SLAMF1: variants seen among roughly 807,000 people sequenced by gnomAD.
The protein encoded by SLAMF1 is signaling lymphocytic activation molecule.
SLAMF1 carries 18 observed loss-of-function variants against 35.1 expected under a neutral mutation model. That is an observed-to-expected ratio of 0.51 (90% confidence interval 0.35 to 0.76). SLAMF1 has a LOEUF of 0.76. SLAMF1 is among the 30% of genes least tolerant of loss of function. The probability of loss-of-function intolerance (pLI) is 0.01; values close to 1 mark genes in which losing one functional copy is unlikely to be tolerated. For missense variants in SLAMF1, 392 were observed against 413.0 expected (o/e 0.95, Z 0.44); for synonymous variants, 168 against 157.2 (o/e 1.07, Z -0.51).
At chr1:160,644,615 G>A (rs1321383264) in intron 1 of SLAMF1, among the ~76,000 whole-genome samples, 1 of 152,166 alleles carries the variant, frequency 6.6e-6, no homozygotes, top group Non-Finnish European at 1.5e-5. Flanking sequence ...CACAGTGGCT[G>A]CCACATCATG....
intron 3 of SLAMF1, among the ~76,000 whole-genome samples, chr1:160,631,968 A>G (rs1443885927): frequency 6.6e-6 from 1 of 152,050 alleles, no homozygotes; most frequent in Non-Finnish European, 1.5e-5. Context: ...AAATACACAT[A>G]GAGAGAAGAT....
chr1:160,619,716 C>T (rs1659502888), intron 5 of SLAMF1, 60 bp downstream of exon 5: 1 of 1,089,200 alleles, frequency 9.2e-7, no homozygotes, highest in East Asian at 2.4e-5. Context: ...GCAAGGTAGA[C>T]TGGCCAGGAA....
intron 3 of SLAMF1, among the ~76,000 whole-genome samples, chr1:160,627,726 T>C (rs138588494): frequency 1.9e-4 from 29 of 152,330 alleles, no homozygotes; most frequent in African/African-American, 6.7e-4. Context: ...TGGGAGTAAT[T>C]TCCTCATGGT....
intron 3 of SLAMF1, among the ~76,000 whole-genome samples, chr1:160,626,982 A>C (rs1659916382): frequency 6.6e-6 from 1 of 151,090 alleles, no homozygotes; most frequent in Non-Finnish European, 1.5e-5. Flanking sequence ...TGTCCCTTGG[A>C]CTCCTGCAGC....
At chr1:160,643,736 G>T (rs1188557487) in intron 1 of SLAMF1, among the ~76,000 whole-genome samples, 1 of 152,204 alleles carries the variant, frequency 6.6e-6, no homozygotes, top group Non-Finnish European at 1.5e-5. Context: ...GTATCACCTT[G>T]AGTATTTCTC....
chr1:160,627,213 T>C (rs1659928693), intron 3 of SLAMF1, among the ~76,000 whole-genome samples: 1 of 152,216 alleles, frequency 6.6e-6, no homozygotes, highest in Non-Finnish European at 1.5e-5. Flanking sequence ...ACAGTGTTGT[T>C]CTGAGAAACC....
intron 4 of SLAMF1, chr1:160,623,496 T>G (rs1659724467): frequency 2.5e-6 from 1 of 398,664 alleles, no homozygotes; most frequent in African/African-American, 2.1e-5. Context: ...TCAAGTTCTA[T>G]CCTTACCATG....
rs1658902168 is a variant in SLAMF1, at chr1:160,610,136, T to G, written c.*612A>C. 2.9e-6 allele frequency: 1 copy of G among 343,266 alleles called. No homozygotes were observed. The highest frequency in any genetic ancestry group is 5.7e-6 in the Non-Finnish European group (1 of 174,594). 21.3% of individuals were successfully genotyped at this position (343,266 alleles called of 1,614,324 possible). A position where few individuals can be genotyped will look rare whatever the true frequency, so the allele number is the denominator to read the frequency against. Reference sequence around the variant, plus strand: ...TCTTTCTGTTTATTGACTTTTTAGCTTCTGGGTTTTGCAAATAAAATAATA... The same window carrying G: ...TCTTTCTGTTTATTGACTTTTTAGCGTCTGGGTTTTGCAAATAAAATAATA... On this transcript the variant is annotated 3_prime_UTR_variant, in exon 7 of 7. Coordinates refer to ENST00000302035, the MANE Select transcript of SLAMF1 (RefSeq NM_003037.5).
In SLAMF1 at chr1:160,621,775, G is replaced by A. The variant is rs183692434; in HGVS notation, c.791-1926C>T. On this transcript the variant is annotated intron_variant, in intron 4 of 6. Transcript: ENST00000302035. ...TCAACATGGGATTTTTTGTGTGTGG[G>A]TATGAGCACGGTGTGCCTAGTGGTT... Among the ~76,000 whole-genome samples, 5 of 152,002 alleles carry A rather than the reference G, an allele frequency of 3.3e-5. 1 individual carries two copies. The East Asian group carries it at 9.7e-4, about 29-fold the overall frequency.
intron 1 of SLAMF1, among the ~76,000 whole-genome samples, chr1:160,639,212 G>A (rs147640955): frequency 6.6e-5 from 10 of 151,946 alleles, no homozygotes; most frequent in Non-Finnish European, 1.3e-4. Flanking sequence ...TTTCTTTCTC[G>A]CATACTCCAA....
At chr1:160,621,153 G>A (rs1659590022) in intron 4 of SLAMF1, among the ~76,000 whole-genome samples, 2 of 152,210 alleles carry the variant, frequency 1.3e-5, no homozygotes, top group African/African-American at 4.8e-5. Flanking sequence ...GCAGACTGAA[G>A]GATGGAGGTT....
In SLAMF1 at chr1:160,637,198, C is replaced by T; in HGVS notation, c.408G>A (p.Arg136=). Residue 136 remains arginine (R), a synonymous_variant, in exon 2 of 7, where the codon AGG becomes AGA. Coordinates refer to ENST00000302035, the MANE Select transcript of SLAMF1 (RefSeq NM_003037.5). ...VSVQRFCLQL[R]LYEQVSTPEI... ...GGAAGCCGCCATTATTACCATAAAG[C>T]CTCAACTGCAGGCAAAAGCGCTGAA... is the stretch of plus-strand genomic sequence containing the variant. The T allele has an allele frequency of 1.2e-6, 2 of 1,613,292 alleles. No individual in the cohort carries two copies. Among genetic ancestry groups the T allele is most frequent in the Non-Finnish European group, 1.7e-6 (2 of 1,179,280 alleles).
chr1:160,631,728 G>A (rs1660176292), intron 3 of SLAMF1, among the ~76,000 whole-genome samples: 1 of 152,160 alleles, frequency 6.6e-6, no homozygotes, highest in Non-Finnish European at 1.5e-5. Flanking sequence ...TGAGAACACA[G>A]TGAGAAGGTA....
At position 160,637,541 on chromosome 1, in the gene SLAMF1, AG is replaced by A; in HGVS notation, c.77-13del. 6.3e-7 allele frequency: 1 copy of A among 1,589,412 alleles called. No individual in the cohort carries two copies. Among genetic ancestry groups the A allele is most frequent in the Non-Finnish European group, 8.6e-7 (1 of 1,166,894 alleles). On this transcript the variant is annotated splice_polypyrimidine_tract_variant and intron_variant, in intron 1 of 6. Transcript: ENST00000302035. ...CATCATGCGCCCACCTGTGGGAGGG[AG>A]GAGAAGAGAGTCCCTTATTATTAAG...
intron 3 of SLAMF1, among the ~76,000 whole-genome samples, chr1:160,633,880 G>A (rs1287719978): frequency 6.6e-6 from 1 of 152,216 alleles, no homozygotes; most frequent in Non-Finnish European, 1.5e-5. Context: ...TGGTATGAAC[G>A]TCAATTTCCT....
chr1:160,625,859 GTGTA>G (rs2102306649), intron 3 of SLAMF1, among the ~76,000 whole-genome samples: 1 of 152,034 alleles, frequency 6.6e-6, no homozygotes, highest in African/African-American at 2.4e-5. Context: ...GTGTGTATGT[GTGTA>G]TGTGTGTGTT....
intron 3 of SLAMF1, among the ~76,000 whole-genome samples, chr1:160,628,685 G>A (rs566673655): frequency 6.6e-6 from 1 of 152,286 alleles, no homozygotes; most frequent in South Asian, 2.1e-4. Context: ...TAAATTAAAT[G>A]AGAGTCCACA....
chr1:160,625,824 A>AGTGTGTGTGTGTGTGTGTGT (rs3223445), intron 3 of SLAMF1, among the ~76,000 whole-genome samples: 2 of 145,184 alleles, frequency 1.4e-5, no homozygotes, highest in Non-Finnish European at 3.0e-5. Flanking sequence ...TCTGTGCAGG[A>AGTGTGTGTGTGTGTGTGTGT]GTGTGTGTGT....
chr1:160,612,503 G>A lies in SLAMF1; in HGVS notation c.942C>T (p.Val314=), dbSNP rs776353415. ...GATGCCTCACCTGGACAGACTCTGG[G>A]ACAGGCTCTGTGGCAGCAACATATA... ...TTIYVAATEP[V]PESVQETNSI... The change falls in exon 6 of 7, where the codon GTC becomes GTT. Residue 314 remains valine (V), a synonymous_variant. Coordinates refer to ENST00000302035, the MANE Select transcript of SLAMF1 (RefSeq NM_003037.5). The A allele has an allele frequency of 1.9e-6, 3 of 1,610,026 alleles. No homozygotes were observed. The highest frequency in any genetic ancestry group is 2.5e-6 in the Non-Finnish European group (3 of 1,176,846).
Sources: allele counts gnomAD v4.1 joint callset (sites outside exome capture counted in the v4.1 genomes callset), GRCh38; gene constraint gnomAD v4.1.1; transcripts MANE v1.5; gene names NCBI Gene and HGNC (gene_info 2026-07-23, HGNC 2026-07-21).